The following OCRL variants were observed in gnomAD, a reference collection of about 807,000 sequenced individuals.
The protein encoded by OCRL is OCRL inositol polyphosphate-5-phosphatase.
OCRL carries 8 observed loss-of-function variants against 78.9 expected under a neutral mutation model. The ratio of observed to expected loss-of-function variants is 0.10; its 90% CI spans 0.06 to 0.18. OCRL has a LOEUF of 0.18. Ranked by LOEUF, OCRL falls within the 10% of genes least tolerant of loss-of-function variation. The pLI is 1.00. For synonymous variants in OCRL, 240 were observed against 235.4 expected (o/e 1.02, Z -0.18); for missense variants, 454 against 696.7 (o/e 0.65, Z 3.92).
rs1602822849 is a variant in OCRL, at chrX:129,591,052, C to T, written c.*782C>T. 2.6e-5 allele frequency: 3 copies of T among 113,468 alleles called. No individual in the cohort carries two copies. In the Middle Eastern group the frequency reaches 2.1e-3, roughly 78 times the overall value. 9.4% of individuals were successfully genotyped at this position (113,468 alleles called of 1,213,427 possible). A position where few individuals can be genotyped will look rare whatever the true frequency, so the allele number is the denominator to read the frequency against. ...ATTCATGTTTGACAGGTCCTGCTTCCCACTATCCTTTTCCTGTTATTATTC... is the reference window on the plus strand; with the variant it reads ...ATTCATGTTTGACAGGTCCTGCTTCTCACTATCCTTTTCCTGTTATTATTC... On this transcript the variant is annotated 3_prime_UTR_variant, in exon 24 of 24. Coordinates refer to ENST00000371113, the MANE Select transcript of OCRL (RefSeq NM_000276.4).
Position 129,567,287 on chromosome X carries a change from G to T in OCRL, c.1390G>T (p.Val464Phe). The stretch of plus-strand genomic sequence containing the variant: ...TCAGCGCACACAGAAAAAAGCTTTT[G>T]TTGACTTCAATGAAGGGGAAATCAA... ...NIQRTQKKAF[V>F]DFNEGEIKFI... Residue 464 changes from valine (V) to phenylalanine (F), a missense_variant, in exon 14 of 24, where the codon GTT (valine) becomes TTT (phenylalanine). By Grantham distance (50) the Val-to-Phe change is conservative. Coordinates refer to ENST00000371113, the MANE Select transcript of OCRL (RefSeq NM_000276.4). 1 of 1,209,239 alleles carries T rather than the reference G, an allele frequency of 8.3e-7. No homozygotes were observed. The highest frequency in any genetic ancestry group is 1.1e-6 in the Non-Finnish European group (1 of 893,159).
Position 129,591,374 on chromosome X carries a change from G to A in OCRL, c.*1104G>A, listed in dbSNP as rs959428123. Reference sequence around the variant, plus strand: ...GTTTAGAGACTCCCCTTGGCTCCCAGTCACCATATCCAGTGTTGTGTAAAG... The same window carrying A: ...GTTTAGAGACTCCCCTTGGCTCCCAATCACCATATCCAGTGTTGTGTAAAG... On this transcript the variant is annotated 3_prime_UTR_variant, in exon 24 of 24. Transcript: ENST00000371113. 2 of 112,141 alleles carry A rather than the reference G, an allele frequency of 1.8e-5. No individual in the cohort carries two copies. Among genetic ancestry groups the A allele is most frequent in the African/African-American group, 6.5e-5 (2 of 30,746 alleles). 9.2% of individuals were successfully genotyped at this position (112,141 alleles called of 1,213,427 possible). A position where few individuals can be genotyped will look rare whatever the true frequency, so the allele number is the denominator to read the frequency against.
At chrX:129,564,822 GTAAC>G (rs761777062) in intron 12 of OCRL, among the ~76,000 whole-genome samples, 3 of 110,532 alleles carry the variant, frequency 2.7e-5, no homozygotes, top group East Asian at 2.8e-4. Flanking sequence ...GTATACATAT[GTAAC>G]TAACCTGCAC....
At chrX:129,576,630 T>TGCTTTC in intron 18 of OCRL, 78 bp downstream of exon 18, 1 of 791,596 alleles carries the variant, frequency 1.3e-6, no homozygotes. Flanking sequence ...ATTATCTTTG[T>TGCTTTC]GCTTTCTGTC....
chrX:129,581,831 TTCTCTCTCTCTCTCTCTCTCTC>T (rs753415077), intron 18 of OCRL, among the ~76,000 whole-genome samples: 1 of 65,600 alleles, frequency 1.5e-5, no homozygotes, highest in Non-Finnish European at 2.5e-5. Flanking sequence ...CCCTTTGTCT[TTCTCTCTCTCTCTCTCTCTCTC>T]TCTCTCTCTC....
At chrX:129,575,712 C>T (rs1037918654) in intron 16 of OCRL, 185 bp from the exon 17 acceptor site, 12 of 492,680 alleles carry the variant, frequency 2.4e-5, no homozygotes, top group Non-Finnish European at 4.2e-5. Context: ...AACTCCTTCT[C>T]TGCTGGTGTG....
At position 129,557,435 on chromosome X, in the gene OCRL, G is replaced by A. The variant is rs374089422; in HGVS notation, c.349G>A (p.Ala117Thr). 3 of 1,181,565 alleles carry A rather than the reference G, an allele frequency of 2.5e-6. No individual in the cohort carries two copies. The African/African-American group carries it at 5.3e-5, about 21-fold the overall frequency. The change falls in exon 5 of 24, where the codon GCT becomes ACT. Residue 117 changes from alanine to threonine, a missense_variant and splice_region_variant. Ala to Thr is a moderately conservative substitution (Grantham distance 58, BLOSUM62 0). Coordinates refer to ENST00000371113, the MANE Select transcript of OCRL (RefSeq NM_000276.4). ...CTCAGCTGTCCTTGCTGCTCAGAAA[G>A]GTAACTAAAGACTCAGCGATTTTCT... is the stretch of plus-strand genomic sequence containing the variant. The part of the protein sequence containing the change: ...FLSAVLAAQK[A>T]QSQLLVPEQK...
rs372298378 is a variant in OCRL at position 129,558,674 on chromosome X, G to A, written c.481G>A (p.Asp161Asn). ...FEDNFSSMNL[D>N]KKINSQNQPT... Reference sequence around the variant, plus strand: ...AGACAATTTTTCTTCTATGAATTTGGACAAGAAAATAAATTCACAAAATCA... The same window carrying A: ...AGACAATTTTTCTTCTATGAATTTGAACAAGAAAATAAATTCACAAAATCA... The change falls in exon 7 of 24, where the codon GAC becomes AAC. Residue 161 changes from aspartate to asparagine, a missense_variant. Physicochemically the swap from Asp to Asn is conservative, Grantham distance 23. Coordinates refer to ENST00000371113, the MANE Select transcript of OCRL (RefSeq NM_000276.4). The A allele has an allele frequency of 7.8e-5, 94 of 1,209,567 alleles. No homozygotes were observed. Among genetic ancestry groups the A allele is most frequent in the Non-Finnish European group, 9.2e-5 (82 of 894,535 alleles).
intron 15 of OCRL, among the ~76,000 whole-genome samples, chrX:129,569,813 A>G (rs1316688902): frequency 9.3e-6 from 1 of 107,230 alleles, no homozygotes; most frequent in Non-Finnish European, 1.9e-5. Context: ...CTTAAGGGAT[A>G]TAGTGTCATC....
rs188543540 is a variant in OCRL at position 129,544,137 on chromosome X, C to T, written c.120-821C>T. Among the ~76,000 whole-genome samples, 32 of 111,238 alleles carry T rather than the reference C, an allele frequency of 2.9e-4. 1 individual carries two copies. The Middle Eastern group carries it at 0.014, about 48-fold the overall frequency. ...AACTAAAAACAATACTTGAAGAGTG[C>T]TTGACTTTGAGAATGCTAGTTGACG... On this transcript the variant is annotated intron_variant, in intron 2 of 23. Transcript: ENST00000371113.
chrX:129,548,352 A>T (rs1935917049), intron 3 of OCRL, among the ~76,000 whole-genome samples: 1 of 111,882 alleles, frequency 8.9e-6, no homozygotes, highest in East Asian at 2.8e-4. Flanking sequence ...GTTCATTTTT[A>T]TTTTAGTTGA....
chrX:129,588,851 C>T (rs747592251), intron 21 of OCRL, 35 bp from the exon 22 acceptor site: 1 of 1,209,737 alleles, frequency 8.3e-7, no homozygotes, highest in Non-Finnish European at 1.1e-6. Flanking sequence ...GGCCTTTCTC[C>T]TGGAGCTCCT....
Position 129,584,366 on chromosome X carries a change from A to G in OCRL, c.2138A>G (p.Lys713Arg), listed in dbSNP as rs148646884. The change falls in exon 19 of 24, where the codon AAG (lysine) becomes AGG (arginine). Residue 713 changes from lysine (K) to arginine (R), a missense_variant and splice_region_variant. Lys to Arg is a conservative substitution (Grantham distance 26). Coordinates refer to ENST00000371113, the MANE Select transcript of OCRL (RefSeq NM_000276.4). ...IDLEEDSFLE[K>R]EKSLLQMVPL... ...CAGGAAGAAGACAGCTTCCTAGAAA[A>G]GGTAATGCAATCCATTGGTGGTTAT... is the stretch of plus-strand genomic sequence containing the variant. 1.5e-5 allele frequency: 18 copies of G among 1,204,578 alleles called. No homozygotes were observed. The African/African-American group carries it at 2.6e-4, about 18-fold the overall frequency.
rs1254783808 is a variant in OCRL at position 129,592,333 on chromosome X, ACT to A, written c.*2066_*2067del. 3.6e-5 allele frequency: 4 copies of A among 111,988 alleles called. No homozygotes were observed. The highest frequency in any genetic ancestry group is 5.7e-5 in the Non-Finnish European group (3 of 53,051). The allele number at this position is 111,988 out of a possible 1,213,427, so 9.2% of individuals were successfully genotyped here. A position where few individuals can be genotyped will look rare whatever the true frequency, so the allele number is the denominator to read the frequency against. The stretch of plus-strand genomic sequence containing the variant: ...TTTCGGATTCAGCTGGTAGGGAAAG[ACT>A]CTGCACCTGCTGTCTTAGGGAAGAA... On this transcript the variant is annotated 3_prime_UTR_variant, in exon 24 of 24. Transcript: ENST00000371113.
At position 129,540,750 on chromosome X, in the gene OCRL, G is replaced by A; in HGVS notation, c.46G>A (p.Glu16Lys). 1 of 1,208,720 alleles carries A rather than the reference G, an allele frequency of 8.3e-7. No individual in the cohort carries two copies. Among genetic ancestry groups the A allele is most frequent in the Non-Finnish European group, 1.1e-6 (1 of 893,185 alleles). ...PVGAQPLATV[E>K]GMEMKGPLRE... is the part of the protein sequence containing the mutation. The stretch of plus-strand genomic sequence containing the variant: ...CCTTGACTAGCGCCCGCATACTGTC[G>A]AGGGTATGGAGATGAAGGGTCCTCT... The change falls in exon 2 of 24, where the codon GAG (glutamate) becomes AAG (lysine). Residue 16 changes from glutamate (E) to lysine (K), a missense_variant. Glu to Lys is a moderately conservative substitution (Grantham distance 56). Around this residue, in one of 2 missense-constraint regions of OCRL, gnomAD observed 177 missense variants for 179.6 expected, o/e 0.99. Transcript: ENST00000371113.
intron 15 of OCRL, among the ~76,000 whole-genome samples, chrX:129,570,731 A>C (rs1936288659): frequency 8.9e-6 from 1 of 112,595 alleles, no homozygotes; most frequent in African/African-American, 3.2e-5. Context: ...CACACATCTC[A>C]TTTACTCCTC....
chrX:129,580,229 A>T (rs1282465454), intron 18 of OCRL, among the ~76,000 whole-genome samples: 3 of 112,690 alleles, frequency 2.7e-5, no homozygotes, highest in Non-Finnish European at 5.6e-5. Context: ...AAGTCCAAGT[A>T]CTTAAGAAAC....
chrX:129,543,741 C>T lies in OCRL; in HGVS notation c.120-1217C>T, dbSNP rs185565425. ...CAAAAAGCAAAAGCAACAAGCACCCCCAAAAGACAACAAAATAGAAATCAA... is the reference window on the plus strand; with the variant it reads ...CAAAAAGCAAAAGCAACAAGCACCCTCAAAAGACAACAAAATAGAAATCAA... On this transcript the variant is annotated intron_variant, in intron 2 of 23. Transcript: ENST00000371113. 2.7e-3 allele frequency among the ~76,000 whole-genome samples: 308 copies of T among 112,834 alleles called. 2 individuals carry two copies. Among genetic ancestry groups the T allele is most frequent in the African/African-American group, 9.1e-3 (282 of 31,125 alleles).
Position 129,569,257 on chromosome X carries a change from C to G in OCRL, c.1467-7C>G. 1 of 1,210,575 alleles carries G rather than the reference C, an allele frequency of 8.3e-7. No individual in the cohort carries two copies. Among genetic ancestry groups the G allele is most frequent in the Non-Finnish European group, 1.1e-6 (1 of 894,411 alleles). On this transcript the variant is annotated splice_polypyrimidine_tract_variant and splice_region_variant and intron_variant, in intron 14 of 23. Coordinates refer to ENST00000371113, the MANE Select transcript of OCRL (RefSeq NM_000276.4). Reference sequence around the variant, plus strand: ...GTTCTCTTTATAACTCGTTTCTTTACTTACAGTGGGAAATGCCGGGTTCCA... The same window carrying G: ...GTTCTCTTTATAACTCGTTTCTTTAGTTACAGTGGGAAATGCCGGGTTCCA...
Sources: allele counts gnomAD v4.1 joint callset (sites outside exome capture counted in the v4.1 genomes callset), GRCh38; gene constraint gnomAD v4.1.1; regional missense constraint gnomAD v4.1.1; transcripts MANE v1.5; gene names NCBI Gene and HGNC (gene_info 2026-07-23, HGNC 2026-07-21).